The following CPT1A variants were observed in gnomAD, a reference collection of about 807,000 sequenced individuals.
The protein encoded by CPT1A is carnitine O-palmitoyltransferase 1, liver isoform.
Under a neutral mutation model 100.8 loss-of-function variants are expected in CPT1A, and 64 were observed. The observed-to-expected ratio is 0.63, with a 90% CI of 0.52 to 0.78. The LOEUF (loss-of-function observed/expected upper bound fraction) is 0.78. Ranked by LOEUF, CPT1A falls within the 30% of genes least tolerant of loss-of-function variation. The probability of loss-of-function intolerance (pLI) is 0.00; values close to 1 mark genes in which losing one functional copy is unlikely to be tolerated. For synonymous variants in CPT1A, 363 were observed against 396.0 expected (o/e 0.92, Z 0.99); for missense variants, 802 against 1,034.1 (o/e 0.78, Z 3.08).
intron 9 of CPT1A, chr11:68,785,726 T>C (rs150533068): frequency 2.6e-6 from 1 of 390,764 alleles, no homozygotes; most frequent in African/African-American, 2.1e-5. Context: ...GTAAAGCCCA[T>C]GTAAATAGGC....
intron 12 of CPT1A, 152 bp from the exon 13 acceptor site, chr11:68,775,584 T>A: frequency 1.5e-6 from 1 of 667,636 alleles, no homozygotes; most frequent in Non-Finnish European, 2.7e-6. Context: ...CCTAATGAGG[T>A]GGATCTGATC....
chr11:68,823,776 C>T (rs1856648556), intron 1 of CPT1A, among the ~76,000 whole-genome samples: 1 of 150,660 alleles, frequency 6.6e-6, no homozygotes, highest in South Asian at 2.1e-4. Context: ...GCAACAAGAA[C>T]AAAACTCTGT....
At chr11:68,833,189 C>G (rs923524164) in intron 1 of CPT1A, among the ~76,000 whole-genome samples, 4 of 152,156 alleles carry the variant, frequency 2.6e-5, no homozygotes, top group African/African-American at 9.6e-5. Flanking sequence ...AGGGAAGTAC[C>G]AGGAAGGCTC....
At chr11:68,799,555 C>A (rs1855847535) in intron 5 of CPT1A, among the ~76,000 whole-genome samples, 200 bp from the exon 6 acceptor site, 1 of 151,924 alleles carries the variant, frequency 6.6e-6, no homozygotes, top group African/African-American at 2.4e-5. Context: ...TCAAGACCAG[C>A]CTAAACAACA....
chr11:68,799,258 T>G lies in CPT1A; in HGVS notation c.653A>C (p.Gln218Pro). Residue 218 changes from glutamine to proline, a missense_variant, in exon 6 of 19, where the codon CAG becomes CCG. By Grantham distance (76) the Gln-to-Pro change is moderately conservative (BLOSUM62 -1). Coordinates refer to ENST00000265641, the MANE Select transcript of CPT1A (RefSeq NM_001876.4). ...DFAVGLGPRL[Q>P]WYLKLKSWWA... ...CCAGGATTTTAACTTCAAATACCACTGTAATCTTGGTCCAAGACCGACAGC... is the reference window on the plus strand; with the variant it reads ...CCAGGATTTTAACTTCAAATACCACGGTAATCTTGGTCCAAGACCGACAGC... 6.2e-7 allele frequency: 1 copy of G among 1,614,048 alleles called. No homozygotes were observed. Among genetic ancestry groups the G allele is most frequent in the African/African-American group, 1.3e-5 (1 of 75,034 alleles).
intron 14 of CPT1A, among the ~76,000 whole-genome samples, chr11:68,771,604 G>A (rs1854992410): frequency 6.6e-6 from 1 of 152,206 alleles, no homozygotes; most frequent in South Asian, 2.1e-4. Flanking sequence ...TTTACGCATA[G>A]TGAGCATGTT....
chr11:68,766,476 T>C (rs577690723), intron 14 of CPT1A, among the ~76,000 whole-genome samples: 115 of 152,262 alleles, frequency 7.6e-4, no homozygotes, highest in Middle Eastern at 3.4e-3. Context: ...AATGGATCTG[T>C]CATTTTTATT....
At chr11:68,839,322 C>A (rs1857102082) in intron 1 of CPT1A, among the ~76,000 whole-genome samples, 1 of 152,248 alleles carries the variant, frequency 6.6e-6, no homozygotes, top group Non-Finnish European at 1.5e-5. Flanking sequence ...CTCGGAAGGG[C>A]ACCGCCAGCA....
chr11:68,838,468 T>TA (rs1454195600), intron 1 of CPT1A, among the ~76,000 whole-genome samples: 1 of 149,462 alleles, frequency 6.7e-6, no homozygotes, highest in South Asian at 2.1e-4. Context: ...TCAATTTGTT[T>TA]AAAAAACATA....
intron 14 of CPT1A, among the ~76,000 whole-genome samples, chr11:68,769,147 C>G (rs1854910228): frequency 6.6e-6 from 1 of 152,318 alleles, no homozygotes; most frequent in Admixed American, 6.5e-5. Context: ...TACTCACCAG[C>G]TCCCCGTCCC....
At chr11:68,815,858 G>A (rs1383861731) in intron 1 of CPT1A, among the ~76,000 whole-genome samples, 2 of 126,444 alleles carry the variant, frequency 1.6e-5, no homozygotes, top group Admixed American at 1.7e-4. Context: ...ATCCAGGCCC[G>A]TGGTACCCCA....
downstream of CPT1A, chr11:68,754,674 A>T (rs1946660492): frequency 2.9e-6 from 2 of 686,260 alleles, no homozygotes; most frequent in Admixed American, 4.3e-5. Flanking sequence ...TGTTCTCAGC[A>T]TTGAGGCAAT....
chr11:68,818,118 G>A (rs905409202), intron 1 of CPT1A, among the ~76,000 whole-genome samples: 1 of 152,192 alleles, frequency 6.6e-6, no homozygotes, highest in African/African-American at 2.4e-5. Context: ...AGAAGCTGAG[G>A]CTGTCTTCCA....
chr11:68,817,147 G>A (rs1433994351), intron 1 of CPT1A, among the ~76,000 whole-genome samples: 1 of 132,232 alleles, frequency 7.6e-6, no homozygotes, highest in Non-Finnish European at 1.5e-5. Context: ...GTGGGGGTGT[G>A]TGTGTCTGTG....
At chr11:68,762,030 G>A (rs1297074437) in intron 15 of CPT1A, among the ~76,000 whole-genome samples, 1 of 152,230 alleles carries the variant, frequency 6.6e-6, no homozygotes, top group African/African-American at 2.4e-5. Context: ...CCTGCACGCT[G>A]GAGTCAGGCG....
intron 13 of CPT1A, chr11:68,773,702 A>T (rs1036733310): frequency 2.1e-5 from 9 of 437,872 alleles, no homozygotes; most frequent in Middle Eastern, 6.8e-4. Context: ...TCACGCGACC[A>T]TCAGTGATGG....
At chr11:68,836,209 C>T (rs934570054) in intron 1 of CPT1A, among the ~76,000 whole-genome samples, 43 of 152,238 alleles carry the variant, frequency 2.8e-4, no homozygotes, top group African/African-American at 9.2e-4. Flanking sequence ...GGCGTGGTGG[C>T]TCATGCCTGG....
At position 68,755,710 on chromosome 11, in the gene CPT1A, C is replaced by CTTTTTT. The variant is rs750569368; in HGVS notation, c.*1928_*1933dup. ...ACGCATGAGCCACCGCGCCTGGACG[C>CTTTTTT]TTTTTTTTTTTTTTTTGTCTTTTGT... On this transcript the variant is annotated 3_prime_UTR_variant, in exon 19 of 19. Transcript: ENST00000265641. 9.0e-6 allele frequency: 1 copy of CTTTTTT among 111,142 alleles called. No homozygotes were observed. Among genetic ancestry groups the CTTTTTT allele is most frequent in the Non-Finnish European group, 1.8e-5 (1 of 55,634 alleles). The allele number at this position is 111,142 out of a possible 1,614,324, so 6.9% of individuals were successfully genotyped here. A position where few individuals can be genotyped will look rare whatever the true frequency, so the allele number is the denominator to read the frequency against.
rs1034744410 is a variant in CPT1A, at chr11:68,841,279, G to C, written c.-14+496C>G. Among the ~76,000 whole-genome samples, 2 of 151,860 alleles carry C rather than the reference G, an allele frequency of 1.3e-5. No homozygotes were observed. ...GGTGGGATGGGCAGGGACAGGAGCC[G>C]GAGGCCCTACTGGCCCCGGGCGAAG... On this transcript the variant is annotated intron_variant, in intron 1 of 18. Coordinates refer to ENST00000265641, the MANE Select transcript of CPT1A (RefSeq NM_001876.4). This position sits in a 1 kb window ranked among gnomAD's most constrained non-coding sequence, Gnocchi z 6.3.
Sources: gnomAD v4.1 joint callset for allele counts (sites outside exome capture counted in the v4.1 genomes callset) on GRCh38, gnomAD v4.1.1 for gene constraint, Gnocchi (gnomAD v3.1) non-coding constraint, MANE v1.5 for transcripts, NCBI Gene and HGNC (gene_info 2026-07-23, HGNC 2026-07-21) for gene names.